Variants in RDX observed in about 807,000 individuals in gnomAD.
RDX encodes radixin.
A neutral mutation model predicts 83.7 loss-of-function variants in RDX; 32 were observed. That is an observed-to-expected ratio of 0.38 (90% confidence interval 0.29 to 0.51). The LOEUF is 0.51. Among genes scored for constraint, RDX ranks in the 20% least tolerant of loss-of-function variants. The probability of loss-of-function intolerance (pLI) is 0.87; values close to 1 mark genes in which losing one functional copy is unlikely to be tolerated. For missense variants in RDX, 600 were observed against 689.9 expected (o/e 0.87, Z 1.46); for synonymous variants, 229 against 222.7 (o/e 1.03, Z -0.25).
At chr11:110,201,900 A>ATT (rs753215806) in intron 14 of RDX, among the ~76,000 whole-genome samples, 1 of 108,746 alleles carries the variant, frequency 9.2e-6, no homozygotes. Context: ...CATCCGGCTA[A>ATT]TTTTGTGTGT....
intron 15 of RDX, among the ~76,000 whole-genome samples, chr11:110,193,791 G>C (rs759469321): frequency 6.6e-6 from 1 of 152,134 alleles, no homozygotes; most frequent in African/African-American, 2.4e-5. Context: ...AAATGCCCAG[G>C]TTTTAACACC....
chr11:110,264,295 G>T, intron 4 of RDX, 61 bp from the exon 5 acceptor site: 1 of 1,153,832 alleles, frequency 8.7e-7, no homozygotes, highest in Non-Finnish European at 1.2e-6. Context: ...ATTAGACCTA[G>T]TCACATCAAA....
At chr11:110,178,324 A>T (rs1862817575) in intron 15 of RDX, among the ~76,000 whole-genome samples, 1 of 111,106 alleles carries the variant, frequency 9.0e-6, no homozygotes, top group Admixed American at 8.9e-5. Flanking sequence ...TGCCCAAATC[A>T]GGGGTGCAAA....
intron 3 of RDX, among the ~76,000 whole-genome samples, chr11:110,266,733 A>C (rs988484938): frequency 6.6e-6 from 1 of 151,808 alleles, no homozygotes; most frequent in Admixed American, 6.6e-5. Context: ...ACACCTAGTT[A>C]ATGTTTTTTT....
chr11:110,191,105 C>A (rs1447970131), intron 15 of RDX, among the ~76,000 whole-genome samples: 1 of 152,244 alleles, frequency 6.6e-6, no homozygotes, highest in African/African-American at 2.4e-5. Flanking sequence ...GCCAGCACAA[C>A]CCTGATACTA....
chr11:110,218,501 A>C (rs1224631061), intron 14 of RDX, among the ~76,000 whole-genome samples: 1 of 152,132 alleles, frequency 6.6e-6, no homozygotes, highest in Non-Finnish European at 1.5e-5. Flanking sequence ...TTCTTTCCTT[A>C]CACTTTCCCC....
Position 110,279,758 on chromosome 11 carries a change from TG to T in RDX, c.-64-3del, listed in dbSNP as rs1860676539. 2.0e-6 allele frequency: 2 copies of T among 976,000 alleles called. No homozygotes were observed. The highest frequency in any genetic ancestry group is 1.6e-6 in the Non-Finnish European group (1 of 633,838). The allele number at this position is 976,000 out of a possible 1,614,324, so 60.5% of individuals were successfully genotyped here. Reference sequence around the variant, plus strand: ...TTCAATGAATTCTGTTATCACTTTCTGTTAAAAAAAAAAAAGCATAATCTAT... The same window carrying T: ...TTCAATGAATTCTGTTATCACTTTCTTTAAAAAAAAAAAAGCATAATCTAT... On this transcript the variant is annotated splice_polypyrimidine_tract_variant and splice_region_variant and intron_variant, in intron 1 of 13. Transcript: ENST00000645495.
chr11:110,194,700 A>G (rs887239707), intron 15 of RDX, among the ~76,000 whole-genome samples: 3 of 152,240 alleles, frequency 2.0e-5, no homozygotes, highest in Non-Finnish European at 4.4e-5. Context: ...CATAAATTAC[A>G]AGAGACCACT....
intron 1 of RDX, among the ~76,000 whole-genome samples, chr11:110,284,990 T>C (rs909407940): frequency 1.3e-5 from 2 of 152,226 alleles, no homozygotes; most frequent in African/African-American, 2.4e-5. Context: ...AACACACAGA[T>C]GTAAAAATTC....
In RDX at chr11:110,198,502, G is replaced by A. The variant is rs900808691; in HGVS notation, c.*31+1079C>T. ...CTGGGTGGCATAGCAAAAGCTGAGT[G>A]GTGAACAAGCATTATGGCCTGAGCG... On this transcript the variant is annotated intron_variant, in intron 15 of 15. Coordinates refer to the RDX transcript ENST00000528498. 7.2e-5 allele frequency among the ~76,000 whole-genome samples: 11 copies of A among 152,274 alleles called. No individual in the cohort carries two copies. The South Asian group carries it at 2.3e-3, about 32-fold the overall frequency.
intron 9 of RDX, 49 bp downstream of exon 9, chr11:110,253,897 A>T (rs748118099): frequency 1.3e-6 from 2 of 1,550,946 alleles, no homozygotes; most frequent in Middle Eastern, 1.7e-4. Flanking sequence ...CTTAAATTTT[A>T]GATAGCCTAC....
chr11:110,290,377 TG>T (rs1414399587), intron 1 of RDX, among the ~76,000 whole-genome samples: 2 of 151,938 alleles, frequency 1.3e-5, no homozygotes, highest in African/African-American at 4.8e-5. Flanking sequence ...CCGGGAGTGG[TG>T]GCAAGCTCCT....
chr11:110,283,448 C>T (rs994591787), intron 1 of RDX, among the ~76,000 whole-genome samples: 11 of 152,042 alleles, frequency 7.2e-5, no homozygotes, highest in Admixed American at 2.6e-4. Context: ...CACACACACC[C>T]GGCCTAAAAA....
intron 14 of RDX, among the ~76,000 whole-genome samples, chr11:110,204,241 G>A (rs1485172239): frequency 2.0e-5 from 3 of 150,492 alleles, no homozygotes. Flanking sequence ...AATGAAACAA[G>A]GTTCCTTAAT....
rs34948055 is a variant in RDX, at chr11:110,198,820, C to CT, written c.*31+760dup. Among the ~76,000 whole-genome samples, 184 of 146,998 alleles carry CT rather than the reference C, an allele frequency of 1.3e-3. 1 individual carries two copies. The highest frequency in any genetic ancestry group is 1.4e-3 in the Non-Finnish European group (92 of 66,256). ...CATTTTTAAGTAAATCTGAATACGT[C>CT]TTTTTTTTTTTTTTTGAGACGGAGT... On this transcript the variant is annotated intron_variant, in intron 15 of 15. Coordinates refer to the RDX transcript ENST00000528498.
chr11:110,215,612 C>T (rs1194434960), intron 14 of RDX, among the ~76,000 whole-genome samples: 2 of 152,040 alleles, frequency 1.3e-5, no homozygotes, highest in East Asian at 3.9e-4. Flanking sequence ...GTATTCAAGT[C>T]GAACTTAAGA....
At chr11:110,218,111 A>G (rs2134270837) in intron 14 of RDX, among the ~76,000 whole-genome samples, 1 of 152,332 alleles carries the variant, frequency 6.6e-6, no homozygotes, top group Middle Eastern at 3.4e-3. Flanking sequence ...CAGTGACTTG[A>G]GCAGGGGTAT....
chr11:110,269,409 AG>A (rs1421572793), intron 3 of RDX, among the ~76,000 whole-genome samples: 1 of 152,220 alleles, frequency 6.6e-6, no homozygotes, highest in African/African-American at 2.4e-5. Context: ...AAAGTCAGCA[AG>A]AAGCAAACCA....
exon 16 of RDX, chr11:110,175,078 G>A (rs1445943004): frequency 6.6e-6 from 1 of 152,190 alleles, no homozygotes; most frequent in African/African-American, 2.4e-5. Context: ...ATGGGCTTGG[G>A]TTGGGACTCA....
Sources: gnomAD v4.1 joint callset for allele counts (sites outside exome capture counted in the v4.1 genomes callset) on GRCh38, gnomAD v4.1.1 for gene constraint, MANE v1.5 for transcripts, NCBI Gene and HGNC (gene_info 2026-07-23, HGNC 2026-07-21) for gene names.